PALM2AKAP2: variants seen among roughly 807,000 people sequenced by gnomAD.
The protein encoded by PALM2AKAP2 is PALM2 and AKAP2 fusion.
A neutral mutation model predicts 71.5 loss-of-function variants in PALM2AKAP2; 37 were observed. That is an observed-to-expected ratio of 0.52 (90% CI 0.40 to 0.68). The LOEUF is 0.68. Ranked by LOEUF, PALM2AKAP2 falls within the 30% of genes least tolerant of loss-of-function variation. The pLI is 0.00. For missense variants in PALM2AKAP2, 1,224 were observed against 1,191.8 expected, an observed-to-expected ratio of 1.03 and a Z score of -0.40; for synonymous variants, 468 against 478.8, an observed-to-expected ratio of 0.98 and a Z score of 0.29.
intron 2 of PALM2AKAP2, among the ~76,000 whole-genome samples, chr9:109,869,331 ATTTG>A (rs899249426): frequency 4.6e-5 from 7 of 151,162 alleles, no homozygotes; most frequent in South Asian, 2.1e-4. Flanking sequence ...TCATTTTTTT[ATTTG>A]TTTGTTTGTT....
intron 1 of PALM2AKAP2, among the ~76,000 whole-genome samples, chr9:109,651,600 GA>G (rs1827226681): frequency 6.6e-6 from 1 of 152,200 alleles, no homozygotes; most frequent in South Asian, 2.1e-4. Context: ...TTATTGCCGG[GA>G]TGGAATCTGG....
At chr9:109,896,181 G>A (rs148624292) in intron 3 of PALM2AKAP2, among the ~76,000 whole-genome samples, 3 of 151,094 alleles carry the variant, frequency 2.0e-5, no homozygotes, top group East Asian at 2.0e-4. Context: ...GTGAAACTCC[G>A]TCTCAAAAAG....
At chr9:110,071,501 C>T (rs1313249152) in intron 1 of PALM2AKAP2, among the ~76,000 whole-genome samples, 2 of 152,192 alleles carry the variant, frequency 1.3e-5, no homozygotes, top group Non-Finnish European at 2.9e-5. Context: ...TGTAGTCTAT[C>T]TTATTGACGT....
At chr9:109,770,352 T>C (rs985885668) in intron 1 of PALM2AKAP2, among the ~76,000 whole-genome samples, 1 of 152,060 alleles carries the variant, frequency 6.6e-6, no homozygotes, top group African/African-American at 2.4e-5. Context: ...AAACTATACA[T>C]AAAATGCTGT....
intron 1 of PALM2AKAP2, 47 bp from the exon 2 acceptor site, chr9:109,867,444 A>T: frequency 1.2e-6 from 2 of 1,603,030 alleles, no homozygotes; most frequent in Non-Finnish European, 1.7e-6. Flanking sequence ...AAATTTCTGG[A>T]GCCAACACCC....
At chr9:110,021,118 T>A (rs1377920521) in intron 7 of PALM2AKAP2, among the ~76,000 whole-genome samples, 1 of 152,068 alleles carries the variant, frequency 6.6e-6, no homozygotes, top group Non-Finnish European at 1.5e-5. Flanking sequence ...AAAATAATAC[T>A]AATAATCTTG....
At chr9:109,739,473 A>T (rs1828686683) in intron 1 of PALM2AKAP2, among the ~76,000 whole-genome samples, 1 of 152,228 alleles carries the variant, frequency 6.6e-6, no homozygotes. Flanking sequence ...AGGTGTATAG[A>T]TCACTGATTC....
At position 110,137,454 on chromosome 9, in the gene PALM2AKAP2, A is replaced by G. The variant is rs532615318; in HGVS notation, c.1484A>G (p.Gln495Arg). The change falls in exon 2 of 4, where the codon CAG becomes CGG. Residue 495 changes from glutamine (Q) to arginine (R), a missense_variant. Gln to Arg is a conservative substitution (Grantham distance 43). Coordinates refer to ENST00000374525, the Ensembl canonical transcript of PALM2AKAP2. ...GAGACCCCATCGGCAGCAGGAAGCC[A>G]GGGCAACACAGCCTCTCAGGGGAAG... is the stretch of plus-strand genomic sequence containing the variant. The G allele has an allele frequency of 6.2e-6, 10 of 1,614,066 alleles. No individual in the cohort carries two copies. In the East Asian group the frequency reaches 2.0e-4, roughly 32 times the overall value.
chr9:109,924,229 G>C (rs919279021), intron 4 of PALM2AKAP2, among the ~76,000 whole-genome samples: 2 of 152,174 alleles, frequency 1.3e-5, no homozygotes, highest in African/African-American at 4.8e-5. Context: ...TGCTTTTTGA[G>C]TCTTTCATTA....
At chr9:109,982,404 G>A (rs1274361446) in intron 6 of PALM2AKAP2, among the ~76,000 whole-genome samples, 2 of 151,988 alleles carry the variant, frequency 1.3e-5, no homozygotes, top group African/African-American at 2.4e-5. Context: ...TAGCACGAAG[G>A]GTAACTACAG....
intron 1 of PALM2AKAP2, among the ~76,000 whole-genome samples, chr9:109,648,289 C>G (rs924146727): frequency 6.6e-6 from 1 of 152,168 alleles, no homozygotes; most frequent in Non-Finnish European, 1.5e-5. Context: ...TGAAAATGGA[C>G]TAATACTTAG....
intron 1 of PALM2AKAP2, among the ~76,000 whole-genome samples, chr9:109,847,943 G>A (rs926142343): frequency 6.6e-6 from 1 of 152,136 alleles, no homozygotes; most frequent in Non-Finnish European, 1.5e-5. Context: ...AAAATTAATA[G>A]CCAGGATCAT....
At position 110,048,885 on chromosome 9, in the gene PALM2AKAP2, C is replaced by G. The variant is rs1477279381; in HGVS notation, c.156+30C>G. The G allele has an allele frequency of 5.3e-6, 8 of 1,513,264 alleles. No individual in the cohort carries two copies. In the Admixed American group the frequency reaches 1.3e-4, roughly 24 times the overall value. 93.7% of individuals were successfully genotyped at this position (1,513,264 alleles called of 1,614,324 possible). The stretch of plus-strand genomic sequence containing the variant: ...GTGTCCAAGCTGGGGAGGGGAGGGG[C>G]TGGAGTGTCCTCGAGTGTGAGGAAG... On this transcript the variant is annotated intron_variant, in intron 1 of 3. Coordinates refer to ENST00000374525, the Ensembl canonical transcript of PALM2AKAP2.
At chr9:110,138,619 G>A in intron 2 of PALM2AKAP2, 80 bp downstream of exon 8, 13 of 1,461,366 alleles carry the variant, frequency 8.9e-6, no homozygotes, top group Non-Finnish European at 1.2e-5. Flanking sequence ...TTTCTATGTG[G>A]AGCCTCCTCT....
At chr9:110,139,668 A>G (rs896255484) in intron 2 of PALM2AKAP2, among the ~76,000 whole-genome samples, 1 of 152,004 alleles carries the variant, frequency 6.6e-6, no homozygotes, top group African/African-American at 2.4e-5. Flanking sequence ...CATCAAACCT[A>G]CAATGACTCA....
intron 1 of PALM2AKAP2, among the ~76,000 whole-genome samples, chr9:109,757,999 T>C (rs1220451640): frequency 6.6e-6 from 1 of 151,592 alleles, no homozygotes; most frequent in Non-Finnish European, 1.5e-5. Context: ...CCACTGAGAG[T>C]TCCCATAAAC....
chr9:109,676,614 T>C (rs1452532038), intron 1 of PALM2AKAP2, among the ~76,000 whole-genome samples: 2 of 152,124 alleles, frequency 1.3e-5, no homozygotes, highest in East Asian at 1.9e-4. Flanking sequence ...CATGTCATAG[T>C]TGAAACCATG....
At chr9:109,843,523 A>T (rs1828766977) in intron 1 of PALM2AKAP2, among the ~76,000 whole-genome samples, 1 of 152,140 alleles carries the variant, frequency 6.6e-6, no homozygotes, top group Admixed American at 6.5e-5. Flanking sequence ...GTGTGAATAT[A>T]TATATATACA....
intron 1 of PALM2AKAP2, among the ~76,000 whole-genome samples, chr9:109,717,162 A>G (rs1291192169): frequency 6.6e-6 from 1 of 152,158 alleles, no homozygotes; most frequent in African/African-American, 2.4e-5. Flanking sequence ...AAAGGTCATG[A>G]TGAAAGAAGA....
Sources: gnomAD v4.1 joint callset for allele counts (sites outside exome capture counted in the v4.1 genomes callset) on GRCh38, gnomAD v4.1.1 for gene constraint, MANE v1.5 for transcripts, NCBI Gene and HGNC (gene_info 2026-07-23, HGNC 2026-07-21) for gene names.